The following NCKAP5 variants were observed in gnomAD, a reference collection of about 807,000 sequenced individuals.
NCKAP5 encodes the protein NCK associated protein 5.
NCKAP5 carries 92 observed loss-of-function variants against 167.0 expected under a neutral mutation model. The ratio of observed to expected loss-of-function variants is 0.55; its 90% CI spans 0.47 to 0.66. The LOEUF is 0.66. Among genes scored for constraint, NCKAP5 ranks in the 30% least tolerant of loss-of-function variants. NCKAP5 has a pLI of 0.00. For missense variants in NCKAP5, 2,378 were observed against 2,315.0 expected (o/e 1.03, Z -0.56); for synonymous variants, 891 against 877.4 (o/e 1.02, Z -0.27).
At position 132,920,743 on chromosome 2, in the gene NCKAP5, G is replaced by A. The variant is rs1168946296; in HGVS notation, c.580-41827C>T. The stretch of plus-strand genomic sequence containing the variant: ...TGTATATATATATATGTATATATAT[G>A]TGTATATATATATGTATATATATGT... On this transcript the variant is annotated intron_variant, in intron 8 of 19. Transcript: ENST00000409261. Among the ~76,000 whole-genome samples, 16 of 68,438 alleles carry A rather than the reference G, an allele frequency of 2.3e-4. 1 individual carries two copies. Among genetic ancestry groups the A allele is most frequent in the Admixed American group, 5.2e-4 (2 of 3,866 alleles). The allele number at this position is 68,438 out of a possible 152,430, so 44.9% of individuals were successfully genotyped here.
intron 4 of NCKAP5, among the ~76,000 whole-genome samples, chr2:133,228,803 T>C (rs905973466): frequency 5.9e-5 from 9 of 152,194 alleles, no homozygotes; most frequent in Admixed American, 6.5e-5. Context: ...AGAATGTCCA[T>C]TGTAAAAATC....
chr2:133,214,162 A>G (rs189847002), intron 4 of NCKAP5, among the ~76,000 whole-genome samples: 13 of 152,306 alleles, frequency 8.5e-5, no homozygotes, highest in Non-Finnish European at 1.8e-4. Flanking sequence ...CACACCAATA[A>G]TATTAAGAAG....
chr2:132,920,769 A>ATGTATGTATGTG (rs1558943244), intron 8 of NCKAP5, among the ~76,000 whole-genome samples: 2 of 31,940 alleles, frequency 6.3e-5, no homozygotes, highest in African/African-American at 3.9e-4. Context: ...ATATATATGT[A>ATGTATGTATGTG]TGTATATATA....
intron 5 of NCKAP5, among the ~76,000 whole-genome samples, chr2:133,208,869 G>T (rs527639321): frequency 5.3e-5 from 8 of 152,074 alleles, no homozygotes; most frequent in Admixed American, 4.6e-4. Context: ...ACTAGTTTGC[G>T]TAACAGAACT....
the NCKAP5 span, among the ~76,000 whole-genome samples, chr2:133,584,995 A>AAGGAAGGAAGGAAGGAAGGG: frequency 6.6e-6 from 1 of 150,388 alleles, no homozygotes; most frequent in Non-Finnish European, 1.5e-5. Flanking sequence ...GGAAGGAAGG[A>AAGGAAGGAAGGAAGGAAGGG]GGGAAAGAAA....
intron 5 of NCKAP5, among the ~76,000 whole-genome samples, chr2:133,144,895 A>G (rs927984527): frequency 6.6e-5 from 10 of 152,068 alleles, no homozygotes; most frequent in African/African-American, 2.2e-4. Flanking sequence ...AGTCACTTTA[A>G]CTCAACAACT....
chr2:133,649,756 G>A, the NCKAP5 span, among the ~76,000 whole-genome samples: 1 of 152,120 alleles, frequency 6.6e-6, no homozygotes, highest in African/African-American at 2.4e-5. Context: ...TAAAGAACAT[G>A]TGTGAAAAGC....
chr2:133,548,403 A>G (rs1297828868), intron 2 of NCKAP5, among the ~76,000 whole-genome samples: 1 of 151,518 alleles, frequency 6.6e-6, no homozygotes, highest in East Asian at 2.0e-4. Flanking sequence ...CCTCGAGAAG[A>G]GCAACTCCAA....
chr2:133,508,363 A>G (rs901425101), intron 3 of NCKAP5, among the ~76,000 whole-genome samples: 1 of 152,222 alleles, frequency 6.6e-6, no homozygotes, highest in African/African-American at 2.4e-5. Flanking sequence ...AGCCAGAAGA[A>G]CAACTTCCTC....
chr2:132,859,446 GC>G (rs1396441096), intron 11 of NCKAP5, among the ~76,000 whole-genome samples: 1 of 152,214 alleles, frequency 6.6e-6, no homozygotes, highest in Non-Finnish European at 1.5e-5. Flanking sequence ...GTCCACGTGT[GC>G]TGTCTACTAA....
chr2:132,754,551 G>A (rs775911018), intron 16 of NCKAP5, among the ~76,000 whole-genome samples: 2 of 152,168 alleles, frequency 1.3e-5, no homozygotes, highest in African/African-American at 2.4e-5. Context: ...CAAATGCTCA[G>A]GGGAATCCAA....
rs184750925 is a variant in NCKAP5 at position 133,042,225 on chromosome 2, G to A, written c.342-47986C>T. ...TCCAAGTTTCTATATATATTCAACAGCTTAAACACAGTGAAATGGCAAGGT... is the reference window on the plus strand; with the variant it reads ...TCCAAGTTTCTATATATATTCAACAACTTAAACACAGTGAAATGGCAAGGT... On this transcript the variant is annotated intron_variant, in intron 6 of 19. Coordinates refer to ENST00000409261, the MANE Select transcript of NCKAP5 (RefSeq NM_207363.3). 1.6e-4 allele frequency among the ~76,000 whole-genome samples: 25 copies of A among 152,172 alleles called. No individual in the cohort carries two copies. The East Asian group carries it at 4.4e-3, about 27-fold the overall frequency.
Position 132,790,023 on chromosome 2 carries a change from C to T in NCKAP5, c.1092G>A (p.Arg364=). ...TWHDGKNLRK[R]QSSQNWDKRL... is the part of the protein sequence containing the mutation. ...TCATTCCGATGCCACAGTGCCTTAC[C>T]CTTTTCCTGAGGTTCTTCCCATCGT... The change falls in exon 13 of 20, where the codon AGG becomes AGA. Residue 364 remains arginine, a splice_region_variant and synonymous_variant. Transcript: ENST00000409261. 6.2e-7 allele frequency: 1 copy of T among 1,611,272 alleles called. No homozygotes were observed. Among genetic ancestry groups the T allele is most frequent in the Non-Finnish European group, 8.5e-7 (1 of 1,178,544 alleles).
the NCKAP5 span, among the ~76,000 whole-genome samples, chr2:133,671,148 G>A: frequency 6.8e-6 from 1 of 147,326 alleles, no homozygotes; most frequent in Non-Finnish European, 1.5e-5. Flanking sequence ...CCAGGAGGCG[G>A]AGTTTGCAGC....
intron 6 of NCKAP5, among the ~76,000 whole-genome samples, chr2:133,014,061 A>G (rs763894329): frequency 8.5e-5 from 13 of 152,158 alleles, no homozygotes; most frequent in African/African-American, 1.7e-4. Flanking sequence ...GAGTCACTCC[A>G]TCATCCTCAC....
chr2:133,386,342 A>T (rs1418834818), intron 3 of NCKAP5, among the ~76,000 whole-genome samples: 1 of 152,164 alleles, frequency 6.6e-6, no homozygotes, highest in African/African-American at 2.4e-5. Flanking sequence ...TTCAGTTTCC[A>T]TGTAGTTGAG....
At chr2:132,779,177 G>C (rs1220860954) in intron 15 of NCKAP5, among the ~76,000 whole-genome samples, 1 of 152,172 alleles carries the variant, frequency 6.6e-6, no homozygotes, top group Non-Finnish European at 1.5e-5. Context: ...AAGACCAAAG[G>C]ACCCTGTGAA....
At chr2:133,257,576 T>C (rs1383992454) in intron 4 of NCKAP5, among the ~76,000 whole-genome samples, 2 of 152,184 alleles carry the variant, frequency 1.3e-5, no homozygotes, top group African/African-American at 4.8e-5. Context: ...GCCTTTTTTG[T>C]AAATATTGAG....
At chr2:133,421,545 G>T (rs1484584718) in intron 3 of NCKAP5, among the ~76,000 whole-genome samples, 1 of 152,178 alleles carries the variant, frequency 6.6e-6, no homozygotes, top group Non-Finnish European at 1.5e-5. Flanking sequence ...ATGAGGATCA[G>T]TCTGAGCTAT....
Sources: gnomAD v4.1 joint callset for allele counts (sites outside exome capture counted in the v4.1 genomes callset) on GRCh38, gnomAD v4.1.1 for gene constraint, MANE v1.5 for transcripts, NCBI Gene and HGNC (gene_info 2026-07-23, HGNC 2026-07-21) for gene names.